The following MARK1 variants were observed in gnomAD, a reference collection of about 807,000 sequenced individuals.
MARK1 encodes the protein microtubule affinity regulating kinase 1.
A neutral mutation model predicts 96.3 loss-of-function variants in MARK1; 40 were observed. The ratio of observed to expected loss-of-function variants is 0.42; its 90% CI spans 0.32 to 0.54. The LOEUF is 0.54. MARK1 is among the 20% of genes least tolerant of loss of function. The pLI is 0.16. For synonymous variants in MARK1, 317 were observed against 341.2 expected (o/e 0.93, Z 0.78); for missense variants, 719 against 984.6 (o/e 0.73, Z 3.61).
intron 1 of MARK1, among the ~76,000 whole-genome samples, chr1:220,575,404 A>G (rs1404228186): frequency 2.6e-5 from 4 of 152,192 alleles, no homozygotes; most frequent in East Asian, 1.9e-4. Context: ...GGTAGTTCCA[A>G]ATTAAATTCA....
intron 1 of MARK1, among the ~76,000 whole-genome samples, chr1:220,567,583 G>A (rs906222353): frequency 4.6e-5 from 7 of 152,040 alleles, no homozygotes; most frequent in Non-Finnish European, 8.8e-5. Flanking sequence ...AAAACAACTC[G>A]GATTAGGCCT....
chr1:220,646,807 A>C (rs1329869888), intron 13 of MARK1, among the ~76,000 whole-genome samples: 2 of 152,228 alleles, frequency 1.3e-5, no homozygotes, highest in Admixed American at 6.5e-5. Context: ...TGGGGAAAGG[A>C]ATCCCTATTT....
chr1:220,623,002 T>C (rs952826478), intron 9 of MARK1, among the ~76,000 whole-genome samples: 3 of 152,240 alleles, frequency 2.0e-5, no homozygotes, highest in African/African-American at 7.2e-5. Flanking sequence ...TCTCAGGCAG[T>C]CATTTATGTT....
intron 1 of MARK1, among the ~76,000 whole-genome samples, chr1:220,533,293 T>A (rs1660455241): frequency 1.3e-5 from 2 of 152,190 alleles, no homozygotes; most frequent in African/African-American, 4.8e-5. Flanking sequence ...AAAGTGGGTG[T>A]GCAGGGCAAT....
intron 6 of MARK1, among the ~76,000 whole-genome samples, chr1:220,611,587 G>C (rs1666447146): frequency 6.6e-6 from 1 of 152,206 alleles, no homozygotes; most frequent in African/African-American, 2.4e-5. Flanking sequence ...CAGTCCCAGT[G>C]AGATGAACCA....
Position 220,528,769 on chromosome 1 carries a change from C to T in MARK1, c.-54C>T. 1 of 1,526,444 alleles carries T rather than the reference C, an allele frequency of 6.6e-7. No homozygotes were observed. Among genetic ancestry groups the T allele is most frequent in the Non-Finnish European group, 8.8e-7 (1 of 1,131,154 alleles). 94.6% of individuals were successfully genotyped at this position (1,526,444 alleles called of 1,614,324 possible). On this transcript the variant is annotated 5_prime_UTR_variant, in exon 1 of 18. Coordinates refer to ENST00000366917, the MANE Select transcript of MARK1 (RefSeq NM_018650.5). ...CCCCTTTCCTGTCGCCCCCCGGGGC[C>T]CGCACCACAGCCCGGCCGGCGAGAC...
rs74766184 is a variant in MARK1, at chr1:220,626,320, A to G, written c.910-4715A>G. 3.0e-3 allele frequency: 1,638 copies of G among 547,018 alleles called. 26 individuals carry two copies. Among genetic ancestry groups the G allele is most frequent in the African/African-American group, 0.028 (1,499 of 52,844 alleles). 33.9% of individuals were successfully genotyped at this position (547,018 alleles called of 1,614,324 possible). On this transcript the variant is annotated intron_variant, in intron 9 of 17. Coordinates refer to ENST00000366917, the MANE Select transcript of MARK1 (RefSeq NM_018650.5). ...CTATACCACAGACTGGGTCATGACT[A>G]TGTCTTCTCCTAAGTAGGGAGAGAA...
At chr1:220,650,214 G>C (rs1350372089) in intron 13 of MARK1, among the ~76,000 whole-genome samples, 1 of 152,166 alleles carries the variant, frequency 6.6e-6, no homozygotes, top group Non-Finnish European at 1.5e-5. Context: ...GCTTCTGAGT[G>C]GGCATGCCAT....
intron 1 of MARK1, among the ~76,000 whole-genome samples, chr1:220,534,656 C>G (rs1336107974): frequency 6.6e-6 from 1 of 152,100 alleles, no homozygotes. Context: ...AAACAGTGTA[C>G]ATATTGAACA....
At chr1:220,627,126 C>A in intron 9 of MARK1, 1 of 506,112 alleles carries the variant, frequency 2.0e-6, no homozygotes, top group East Asian at 5.2e-5. Flanking sequence ...AATGCTGCCC[C>A]ACAAACCTGG....
chr1:220,569,910 C>T (rs1334976559), intron 1 of MARK1, among the ~76,000 whole-genome samples: 1 of 151,916 alleles, frequency 6.6e-6, no homozygotes, highest in Non-Finnish European at 1.5e-5. Flanking sequence ...AAAAATGTTC[C>T]TTTGTACCTG....
intron 1 of MARK1, among the ~76,000 whole-genome samples, chr1:220,563,798 A>C (rs1662850179): frequency 6.6e-6 from 1 of 152,200 alleles, no homozygotes; most frequent in Non-Finnish European, 1.5e-5. Flanking sequence ...CTGATTCCAG[A>C]CCTGTTCATT....
Position 220,635,866 on chromosome 1 carries a change from C to T in MARK1, c.1310C>T (p.Thr437Ile). ...TCCATTCCTCCTGCTGTATCATATA[C>T]CAAAAGACCTCAGGCTAACAGTGTG... is the stretch of plus-strand genomic sequence containing the variant. ...GPSIPPAVSY[T>I]KRPQANSVES... The change falls in exon 13 of 18, where the codon ACC (threonine) becomes ATC (isoleucine). Residue 437 changes from threonine (T) to isoleucine (I), a missense_variant. By Grantham distance (89) the Thr-to-Ile change is moderately conservative (BLOSUM62 -1). Around this residue, in one of 4 missense-constraint regions of MARK1, gnomAD observed 501 missense variants for 588.3 expected, o/e 0.85. Transcript: ENST00000366917. The T allele has an allele frequency of 1.2e-6, 2 of 1,611,978 alleles. No individual in the cohort carries two copies. The highest frequency in any genetic ancestry group is 1.7e-6 in the Non-Finnish European group (2 of 1,179,298).
chr1:220,588,043 C>T (rs914267187), intron 3 of MARK1, among the ~76,000 whole-genome samples: 2 of 152,092 alleles, frequency 1.3e-5, no homozygotes, highest in African/African-American at 4.8e-5. Context: ...ACATTCTTGC[C>T]AACACTTTAT....
intron 9 of MARK1, among the ~76,000 whole-genome samples, chr1:220,624,700 A>C (rs1667229767): frequency 6.6e-6 from 1 of 152,170 alleles, no homozygotes; most frequent in South Asian, 2.1e-4. Context: ...ATTTTTTCTG[A>C]CAGGAACATA....
At chr1:220,553,477 A>G (rs1073460) in intron 1 of MARK1, among the ~76,000 whole-genome samples, 28,260 of 152,234 alleles carry the variant, frequency 0.19, 3,349 homozygotes, top group East Asian at 0.36. Flanking sequence ...TTAGACATCA[A>G]TGTAGCAGGG....
intron 6 of MARK1, among the ~76,000 whole-genome samples, chr1:220,606,691 T>G (rs2102930681): frequency 6.6e-6 from 1 of 152,316 alleles, no homozygotes. Context: ...CCATCTTCAA[T>G]TTTTGTGTAA....
chr1:220,543,343 A>G (rs561951842), intron 1 of MARK1, among the ~76,000 whole-genome samples: 71 of 152,362 alleles, frequency 4.7e-4, no homozygotes, highest in African/African-American at 1.5e-3. Context: ...ATTGTATAAC[A>G]TTAATAATAT....
intron 3 of MARK1, among the ~76,000 whole-genome samples, chr1:220,590,187 A>AG (rs1664894814): frequency 1.3e-5 from 2 of 152,160 alleles, no homozygotes; most frequent in African/African-American, 4.8e-5. Flanking sequence ...GCAGGGGTTT[A>AG]GGGGAGTCTT....
Sources: allele counts gnomAD v4.1 joint callset (sites outside exome capture counted in the v4.1 genomes callset), GRCh38; gene constraint gnomAD v4.1.1; regional missense constraint gnomAD v4.1.1; transcripts MANE v1.5; gene names NCBI Gene and HGNC (gene_info 2026-07-23, HGNC 2026-07-21).